Variants in CLSTN2 observed in about 807,000 individuals in gnomAD.
CLSTN2 encodes calsyntenin 2, also known as calsyntenin-2.
A neutral mutation model predicts 101.2 loss-of-function variants in CLSTN2; 48 were observed. The observed-to-expected ratio is 0.47, with a 90% CI of 0.38 to 0.60. The LOEUF (loss-of-function observed/expected upper bound fraction) is 0.60, where lower values mean the gene tolerates loss of function less well. Ranked by LOEUF, CLSTN2 falls within the 20% of genes least tolerant of loss-of-function variation. The pLI, the probability that CLSTN2 is intolerant of heterozygous loss-of-function variation, is 0.00. For synonymous variants in CLSTN2, 481 were observed against 463.6 expected (o/e 1.04, Z -0.48); for missense variants, 1,160 against 1,238.2 (o/e 0.94, Z 0.95).
In CLSTN2 at chr3:140,318,253, A is replaced by G. The variant is rs543046402; in HGVS notation, c.233-85376A>G. On this transcript the variant is annotated intron_variant, in intron 2 of 16. Coordinates refer to ENST00000458420, the MANE Select transcript of CLSTN2 (RefSeq NM_022131.3). ...CAGACGTGTGGTCCAGTGACAAGCC[A>G]AGGCCATGAGACACAGGGAAGGGAG... Among the ~76,000 whole-genome samples, 5 of 152,308 alleles carry G rather than the reference A, an allele frequency of 3.3e-5. No individual in the cohort carries two copies. In the East Asian group the frequency reaches 9.7e-4, roughly 29 times the overall value.
intron 1 of CLSTN2, among the ~76,000 whole-genome samples, chr3:140,104,461 C>T (rs2009019966): frequency 6.6e-6 from 1 of 152,194 alleles, no homozygotes; most frequent in Admixed American, 6.5e-5. Flanking sequence ...TCCTAGTTTT[C>T]TTGTTCCTCA....
At position 140,558,886 on chromosome 3, in the gene CLSTN2, G is replaced by A. The variant is rs750307269; in HGVS notation, c.2041+29G>A. On this transcript the variant is annotated intron_variant, in intron 12 of 16. Transcript: ENST00000458420. ...CAGGTGCATTTGAGTTTGTGGGGAG[G>A]GTGGACCTTAATTTTTTACAGCCAT... is the stretch of plus-strand genomic sequence containing the variant. 4 of 1,587,158 alleles carry A rather than the reference G, an allele frequency of 2.5e-6. No homozygotes were observed. The East Asian group carries it at 9.0e-5, about 36-fold the overall frequency.
intron 9 of CLSTN2, among the ~76,000 whole-genome samples, chr3:140,538,126 G>A (rs1364123182): frequency 6.6e-6 from 1 of 152,150 alleles, no homozygotes; most frequent in Non-Finnish European, 1.5e-5. Context: ...TCTATTCTTG[G>A]TGGAGATCTC....
At chr3:140,434,998 C>T (rs992399421) in intron 5 of CLSTN2, among the ~76,000 whole-genome samples, 2 of 152,076 alleles carry the variant, frequency 1.3e-5, no homozygotes, top group South Asian at 2.1e-4. Flanking sequence ...GGAATGCAAA[C>T]TGAAATGAGC....
intron 2 of CLSTN2, among the ~76,000 whole-genome samples, chr3:140,262,735 T>G (rs2086664202): frequency 6.6e-6 from 1 of 152,056 alleles, no homozygotes; most frequent in Non-Finnish European, 1.5e-5. Flanking sequence ...AATGAGTGGC[T>G]GGGAAATGAT....
chr3:140,245,834 T>G (rs2086511142), intron 2 of CLSTN2, among the ~76,000 whole-genome samples: 1 of 152,228 alleles, frequency 6.6e-6, no homozygotes, highest in South Asian at 2.1e-4. Context: ...CTTTGGACAG[T>G]GGCTTTGCAC....
At chr3:140,553,522 G>A (rs1428632305) in intron 10 of CLSTN2, among the ~76,000 whole-genome samples, 2 of 152,136 alleles carry the variant, frequency 1.3e-5, no homozygotes, top group Non-Finnish European at 2.9e-5. Flanking sequence ...AATCAGGCCT[G>A]GGAAGTGCTA....
chr3:140,317,503 T>C (rs1238360514), intron 2 of CLSTN2, among the ~76,000 whole-genome samples: 1 of 152,158 alleles, frequency 6.6e-6, no homozygotes, highest in Non-Finnish European at 1.5e-5. Context: ...CTACAGCCTG[T>C]TGGCCACAGG....
At chr3:140,534,847 G>T (rs1935329589) in intron 9 of CLSTN2, among the ~76,000 whole-genome samples, 1 of 152,132 alleles carries the variant, frequency 6.6e-6, no homozygotes, top group Admixed American at 6.5e-5. Context: ...TTGTCCACCA[G>T]GCCAATAGAT....
At chr3:140,104,563 T>C (rs929514039) in intron 1 of CLSTN2, among the ~76,000 whole-genome samples, 2 of 152,216 alleles carry the variant, frequency 1.3e-5, no homozygotes, top group Non-Finnish European at 2.9e-5. Context: ...TTCTAGCTTA[T>C]ACAAAATGCT....
At chr3:140,087,914 C>G (rs1054122406) in intron 1 of CLSTN2, among the ~76,000 whole-genome samples, 2 of 152,264 alleles carry the variant, frequency 1.3e-5, no homozygotes, top group Admixed American at 6.5e-5. Context: ...GGCATGCTTA[C>G]AGCGTAAATT....
intron 1 of CLSTN2, among the ~76,000 whole-genome samples, chr3:140,155,945 T>G (rs1203637444): frequency 3.0e-5 from 3 of 100,400 alleles, no homozygotes; most frequent in Non-Finnish European, 6.9e-5. Context: ...TCCTTAGCCA[T>G]GCTTTCTCTC....
chr3:140,479,968 ATACTTT>A (rs1285954045), intron 8 of CLSTN2, among the ~76,000 whole-genome samples: 1 of 151,872 alleles, frequency 6.6e-6, no homozygotes, highest in Admixed American at 6.6e-5. Context: ...TTTTATTATT[ATACTTT>A]AAGTTTTAGG....
At chr3:140,127,259 A>G (rs1243499406) in intron 1 of CLSTN2, among the ~76,000 whole-genome samples, 2 of 152,086 alleles carry the variant, frequency 1.3e-5, no homozygotes, top group African/African-American at 4.8e-5. Flanking sequence ...CCCGGGGCAA[A>G]TTGCTTAACC....
chr3:140,461,806 C>T (rs1196583541), intron 7 of CLSTN2, among the ~76,000 whole-genome samples: 1 of 152,066 alleles, frequency 6.6e-6, no homozygotes, highest in African/African-American at 2.4e-5. Context: ...TAGCAGCACC[C>T]CAAGCAGCAC....
chr3:140,330,351 G>T (rs1047373799), intron 2 of CLSTN2, among the ~76,000 whole-genome samples: 1 of 152,212 alleles, frequency 6.6e-6, no homozygotes, highest in African/African-American at 2.4e-5. Context: ...GTGTGGGAAA[G>T]TTATTGCTCC....
intron 1 of CLSTN2, among the ~76,000 whole-genome samples, chr3:140,144,971 C>A (rs2009759343): frequency 6.6e-6 from 1 of 152,226 alleles, no homozygotes; most frequent in Non-Finnish European, 1.5e-5. Context: ...TGATTTCCCC[C>A]AGAGGACCAT....
At chr3:139,950,758 T>C (rs1935282593) in intron 1 of CLSTN2, among the ~76,000 whole-genome samples, 1 of 152,212 alleles carries the variant, frequency 6.6e-6, no homozygotes, top group Admixed American at 6.5e-5. Flanking sequence ...AATTAGAAGT[T>C]AAATAATGTA....
chr3:140,165,558 G>A (rs2010122356), intron 1 of CLSTN2, among the ~76,000 whole-genome samples: 1 of 152,150 alleles, frequency 6.6e-6, no homozygotes, highest in African/African-American at 2.4e-5. Context: ...AACCGGGGGA[G>A]GGGAGTGAGC....
Sources: gnomAD v4.1 joint callset for allele counts (sites outside exome capture counted in the v4.1 genomes callset) on GRCh38, gnomAD v4.1.1 for gene constraint, MANE v1.5 for transcripts, NCBI Gene and HGNC (gene_info 2026-07-23, HGNC 2026-07-21) for gene names.